Variants in AKAP19 observed in about 807,000 individuals in gnomAD.
The protein encoded by AKAP19 is small A-kinase anchoring protein.
chr2:189,942,748 G>A, the AKAP19 span, among the ~76,000 whole-genome samples: 1 of 152,246 alleles, frequency 6.6e-6, no homozygotes, highest in Non-Finnish European at 1.5e-5. Flanking sequence ...GCAGTCATAT[G>A]TGTTATGCCT....
chr2:190,025,503 T>C, the AKAP19 span, among the ~76,000 whole-genome samples: 2 of 152,178 alleles, frequency 1.3e-5, no homozygotes, highest in African/African-American at 4.8e-5. Flanking sequence ...ACAACAGTAA[T>C]TGAGATACAG....
chr2:189,995,022 G>A, the AKAP19 span, among the ~76,000 whole-genome samples: 3 of 152,180 alleles, frequency 2.0e-5, no homozygotes, highest in African/African-American at 7.2e-5. Context: ...TTCTTAAATT[G>A]AGACTTGTTT....
At chr2:189,991,463 T>G in the AKAP19 span, among the ~76,000 whole-genome samples, 1 of 152,252 alleles carries the variant, frequency 6.6e-6, no homozygotes. Context: ...TTGAGAATTT[T>G]TTCATATGTT....
chr2:189,893,082 C>G, the AKAP19 span, among the ~76,000 whole-genome samples: 1 of 152,188 alleles, frequency 6.6e-6, no homozygotes, highest in Admixed American at 6.5e-5. Context: ...TCGCCCCTCC[C>G]CCTACTGAGT....
chr2:190,200,082 G>A, the AKAP19 span: 1 of 1,614,076 alleles, frequency 6.2e-7, no homozygotes, highest in Non-Finnish European at 8.5e-7. Context: ...GTGATGCCTT[G>A]CAGCAATGGG....
the AKAP19 span, among the ~76,000 whole-genome samples, chr2:190,155,315 G>A: frequency 6.6e-6 from 1 of 152,156 alleles, no homozygotes; most frequent in African/African-American, 2.4e-5. Flanking sequence ...TCTGATGGTT[G>A]AAAATGGCTG....
chr2:190,200,613 T>C, the AKAP19 span: 1 of 174,716 alleles, frequency 5.7e-6, no homozygotes, highest in African/African-American at 2.4e-5. Flanking sequence ...ACAGTAAGTC[T>C]TGTTTGTTTG....
chr2:190,055,774 T>G, the AKAP19 span: 1 of 152,202 alleles, frequency 6.6e-6, no homozygotes, highest in Non-Finnish European at 1.5e-5. Flanking sequence ...AGAAATAATT[T>G]CATTTAGTCA....
the AKAP19 span, among the ~76,000 whole-genome samples, chr2:189,972,985 G>T: frequency 9.7e-4 from 148 of 152,194 alleles, no homozygotes; most frequent in African/African-American, 3.5e-3. Flanking sequence ...TCTTTCTCTT[G>T]CCTGATTGCC....
chr2:189,949,276 G>A, the AKAP19 span, among the ~76,000 whole-genome samples: 3 of 152,086 alleles, frequency 2.0e-5, no homozygotes, highest in South Asian at 2.1e-4. Context: ...AAAAAAAGCC[G>A]GGCGCGATGG....
At chr2:189,898,295 T>G in the AKAP19 span, among the ~76,000 whole-genome samples, 1 of 152,284 alleles carries the variant, frequency 6.6e-6, no homozygotes, top group Non-Finnish European at 1.5e-5. Flanking sequence ...AACTTACTAT[T>G]TACTAGACAC....
the AKAP19 span, among the ~76,000 whole-genome samples, chr2:189,980,329 T>C: frequency 6.6e-6 from 1 of 152,136 alleles, no homozygotes; most frequent in Non-Finnish European, 1.5e-5. Context: ...CAAATCCATG[T>C]TTTCACTCAT....
the AKAP19 span, among the ~76,000 whole-genome samples, chr2:189,980,009 A>C: frequency 6.6e-6 from 1 of 152,202 alleles, no homozygotes; most frequent in Admixed American, 6.5e-5. Context: ...AATAGTATGG[A>C]GATTTCTCAA....
chr2:190,078,065 G>T, the AKAP19 span, among the ~76,000 whole-genome samples: 3 of 152,006 alleles, frequency 2.0e-5, no homozygotes, highest in East Asian at 5.8e-4. Flanking sequence ...AGATTCAAGG[G>T]GACCTCTAGA....
chr2:189,970,409 C>G, the AKAP19 span, among the ~76,000 whole-genome samples: 1 of 151,910 alleles, frequency 6.6e-6, no homozygotes, highest in Non-Finnish European at 1.5e-5. Context: ...TTTTAGAATA[C>G]TTTTATTAGT....
the AKAP19 span, chr2:190,181,062 G>C: frequency 2.0e-6 from 2 of 985,476 alleles, no homozygotes; most frequent in Non-Finnish European, 2.4e-6. Flanking sequence ...GGGACCCCAC[G>C]GCTGTCCGGA....
At chr2:190,164,335 G>A in the AKAP19 span, among the ~76,000 whole-genome samples, 9 of 152,146 alleles carry the variant, frequency 5.9e-5, no homozygotes, top group Non-Finnish European at 1.3e-4. Context: ...AGAAATTTGA[G>A]ACCAGCCCGG....
At chr2:189,984,691 T>A in the AKAP19 span, among the ~76,000 whole-genome samples, 15 of 152,258 alleles carry the variant, frequency 9.9e-5, no homozygotes, top group Non-Finnish European at 1.9e-4. Flanking sequence ...ACAACTTATG[T>A]TTAGAGATTG....
At chr2:190,129,306 C>T in the AKAP19 span, among the ~76,000 whole-genome samples, 1 of 152,036 alleles carries the variant, frequency 6.6e-6, no homozygotes. Context: ...AAAAATTGGA[C>T]CCATAAATTA....
Sources: gnomAD v4.1 joint callset for allele counts (sites outside exome capture counted in the v4.1 genomes callset) on GRCh38, gnomAD v4.1.1 for gene constraint, MANE v1.5 for transcripts, NCBI Gene and HGNC (gene_info 2026-07-23, HGNC 2026-07-21) for gene names.